Variants in POLI observed in about 807,000 individuals in gnomAD.
POLI encodes RAD30 homolog B.
In POLI, 58 loss-of-function variants were observed where a neutral mutation model predicts 51.6. The observed-to-expected ratio is 1.12, with a 90% CI of 0.91 to 1.40. The LOEUF is 1.40. POLI is among the 40% of genes most tolerant of loss of function. The pLI is 0.00. For synonymous variants in POLI, 322 were observed against 299.7 expected (o/e 1.07, Z -0.77); for missense variants, 921 against 871.3 (o/e 1.06, Z -0.72).
intron 3 of POLI, among the ~76,000 whole-genome samples, chr18:54,314,441 G>A: frequency 6.6e-6 from 1 of 151,890 alleles, no homozygotes; most frequent in East Asian, 1.9e-4. Context: ...TTCTTTTTTT[G>A]TTGTGTCTTT....
Position 54,297,436 on chromosome 18 carries a change from A to G in POLI, c.*2969A>G. ...TTTCCCTTATATGGTACAAACCAGC[A>G]ATGAATTAAGAGGTCTCTTTTCTCC... On this transcript the variant is annotated 3_prime_UTR_variant, in exon 10 of 10. Transcript: ENST00000579534. 1.0e-6 allele frequency: 1 copy of G among 982,194 alleles called. No homozygotes were observed. Among genetic ancestry groups the G allele is most frequent in the Non-Finnish European group, 1.2e-6 (1 of 827,100 alleles). 60.8% of individuals were successfully genotyped at this position (982,194 alleles called of 1,614,324 possible). A position where few individuals can be genotyped will look rare whatever the true frequency, so the allele number is the denominator to read the frequency against.
intron 3 of POLI, among the ~76,000 whole-genome samples, chr18:54,304,559 C>A (rs1255631601): frequency 1.3e-5 from 2 of 152,186 alleles, no homozygotes; most frequent in Non-Finnish European, 2.9e-5. Flanking sequence ...TAAATGTCTT[C>A]TTTTGAAAAG....
chr18:54,307,968 A>ATGTG (rs1192326128), intron 3 of POLI, among the ~76,000 whole-genome samples: 1 of 149,892 alleles, frequency 6.7e-6, no homozygotes, highest in African/African-American at 2.5e-5. Flanking sequence ...TTTTGAGCTT[A>ATGTG]TGTGTGTCTC....
At chr18:54,306,061 T>C (rs543464904) in intron 3 of POLI, among the ~76,000 whole-genome samples, 44 of 152,232 alleles carry the variant, frequency 2.9e-4, no homozygotes, top group Admixed American at 2.6e-3. Flanking sequence ...CCCAGCCCCC[T>C]TTATTTCTTT....
chr18:54,273,151 AT>A, intron 2 of POLI, among the ~76,000 whole-genome samples: 1 of 152,050 alleles, frequency 6.6e-6, no homozygotes, highest in Non-Finnish European at 1.5e-5. Context: ...ATAAACTAGA[AT>A]TTTTTATGCA....
intron 4 of POLI, 73 bp from the exon 5 acceptor site, chr18:54,280,594 C>G (rs2087451195): frequency 1.0e-6 from 1 of 979,794 alleles, no homozygotes; most frequent in Admixed American, 1.9e-5. Flanking sequence ...AGCCCTCTAC[C>G]TTTTAAAAAT....
At chr18:54,314,893 T>G (rs1306088063) in intron 3 of POLI, among the ~76,000 whole-genome samples, 3 of 152,200 alleles carry the variant, frequency 2.0e-5, no homozygotes, top group African/African-American at 7.2e-5. Context: ...TCAATCTTGT[T>G]TATTCTTTCA....
intron 2 of POLI, 67 bp downstream of exon 2, chr18:54,271,552 T>C (rs3218789): frequency 9.4e-7 from 1 of 1,061,134 alleles, no homozygotes; most frequent in South Asian, 1.6e-5. Flanking sequence ...ATGCTCATTA[T>C]ATACTGATTT....
chr18:54,289,703 A>C (rs1040572392), intron 8 of POLI, among the ~76,000 whole-genome samples: 1 of 151,818 alleles, frequency 6.6e-6, no homozygotes, highest in Non-Finnish European at 1.5e-5. Flanking sequence ...TCTTTGACAG[A>C]CCTGACAGAA....
chr18:54,271,845 T>G (rs2087017594), intron 2 of POLI, among the ~76,000 whole-genome samples: 1 of 152,252 alleles, frequency 6.6e-6, no homozygotes, highest in Non-Finnish European at 1.5e-5. Flanking sequence ...AGTGGAAGTG[T>G]TCGTCTGTCC....
intron 3 of POLI, among the ~76,000 whole-genome samples, chr18:54,312,691 A>G (rs1263570682): frequency 1.3e-5 from 2 of 152,114 alleles, no homozygotes; most frequent in African/African-American, 2.4e-5. Context: ...TTTGGATTGC[A>G]TTTCTCTGAT....
intron 9 of POLI, among the ~76,000 whole-genome samples, chr18:54,292,245 A>G (rs570648115): frequency 6.6e-6 from 1 of 152,250 alleles, no homozygotes; most frequent in South Asian, 2.1e-4. Context: ...CATAAGCATC[A>G]CTGGATAAAA....
rs1474567393 is a variant in POLI, at chr18:54,295,755, G to A, written c.*1288G>A. The A allele has an allele frequency of 5.2e-6, 1 of 194,000 alleles. No individual in the cohort carries two copies. The highest frequency in any genetic ancestry group is 2.4e-5 in the African/African-American group (1 of 42,232). 12.0% of individuals were successfully genotyped at this position (194,000 alleles called of 1,614,324 possible). Reference sequence around the variant, plus strand: ...CAATTCTCCTGCCTCAGCCTCCTGAGTAGCTGGGATTACACGCATGCCCTA... The same window carrying A: ...CAATTCTCCTGCCTCAGCCTCCTGAATAGCTGGGATTACACGCATGCCCTA... On this transcript the variant is annotated 3_prime_UTR_variant, in exon 10 of 10. Coordinates refer to ENST00000579534, the MANE Select transcript of POLI (RefSeq NM_007195.3).
rs3730715 is a variant in POLI, at chr18:54,276,393, C to T, written c.407-1310C>T. On this transcript the variant is annotated intron_variant, in intron 3 of 9. Coordinates refer to ENST00000579534, the MANE Select transcript of POLI (RefSeq NM_007195.3). ...CAGCAACAACAAAAACCTTCAGGGA[C>T]GGGATAATTAGGGATTTGTCCTGTG... is the stretch of plus-strand genomic sequence containing the variant. Among the ~76,000 whole-genome samples the T allele has an allele frequency of 5.2e-4, 79 of 152,104 alleles. 1 individual carries two copies. The East Asian group carries it at 0.014, about 27-fold the overall frequency.
At chr18:54,319,961 G>A (rs780589977) in intron 3 of POLI, among the ~76,000 whole-genome samples, 3 of 152,062 alleles carry the variant, frequency 2.0e-5, no homozygotes, top group Non-Finnish European at 2.9e-5. Flanking sequence ...TTGGTGATTT[G>A]TATGTTTATG....
At chr18:54,311,537 A>G (rs1042788539) in intron 3 of POLI, among the ~76,000 whole-genome samples, 9 of 152,230 alleles carry the variant, frequency 5.9e-5, no homozygotes, top group African/African-American at 2.2e-4. Context: ...AACCAAACCT[A>G]TGTAGATACA....
At chr18:54,278,088 G>A (rs941982799) in intron 4 of POLI, among the ~76,000 whole-genome samples, 2 of 152,176 alleles carry the variant, frequency 1.3e-5, no homozygotes, top group African/African-American at 4.8e-5. Context: ...TTTGCACAGA[G>A]CATTGTTCCT....
rs1324364295 is a variant in POLI, at chr18:54,282,962, A to C, written c.922A>C (p.Lys308Gln). The change falls in exon 6 of 10, where the codon AAG becomes CAG. Residue 308 changes from lysine to glutamine, a missense_variant. Lys to Gln is a moderately conservative substitution (Grantham distance 53). Transcript: ENST00000579534. Reference protein sequence around the residue: ...LGISVAQRIQKLSFGEDNSPV... With the variant: ...LGISVAQRIQQLSFGEDNSPV... ...AATTTCAGTTGCTCAGCGTATCCAA[A>C]AGCTCAGTTTTGGAGAGGATAACTC... 1 of 1,611,296 alleles carries C rather than the reference A, an allele frequency of 6.2e-7. No individual in the cohort carries two copies.
chr18:54,297,348 T>C lies in POLI; in HGVS notation c.*2881T>C. Reference sequence around the variant, plus strand: ...TAGAGGGTATTTTTATTTTTATTTTTTCTGTTTCTCTCTTGAGTGTATAGT... The same window carrying C: ...TAGAGGGTATTTTTATTTTTATTTTCTCTGTTTCTCTCTTGAGTGTATAGT... On this transcript the variant is annotated 3_prime_UTR_variant, in exon 10 of 10. Coordinates refer to ENST00000579534, the MANE Select transcript of POLI (RefSeq NM_007195.3). 1 of 983,142 alleles carries C rather than the reference T, an allele frequency of 1.0e-6. No individual in the cohort carries two copies. Among genetic ancestry groups the C allele is most frequent in the African/African-American group, 1.7e-5 (1 of 57,314 alleles). 60.9% of individuals were successfully genotyped at this position (983,142 alleles called of 1,614,324 possible).
Sources: gnomAD v4.1 joint callset for allele counts (sites outside exome capture counted in the v4.1 genomes callset) on GRCh38, gnomAD v4.1.1 for gene constraint, MANE v1.5 for transcripts, NCBI Gene and HGNC (gene_info 2026-07-23, HGNC 2026-07-21) for gene names.